KCNIP4: variants seen among roughly 807,000 people sequenced by gnomAD.
The protein encoded by KCNIP4 is potassium voltage-gated channel interacting protein 4.
Under a neutral mutation model 34.0 loss-of-function variants are expected in KCNIP4, and 12 were observed. That is an observed-to-expected ratio of 0.35 (90% CI 0.23 to 0.57). KCNIP4 has a LOEUF of 0.57. Ranked by LOEUF, KCNIP4 falls within the 20% of genes least tolerant of loss-of-function variation. The pLI is 0.83. For synonymous variants in KCNIP4, 124 were observed against 102.2 expected (o/e 1.21, Z -1.29); for missense variants, 238 against 311.7 (o/e 0.76, Z 1.78).
At chr4:20,803,197 T>C (rs1010706079) in intron 3 of KCNIP4, among the ~76,000 whole-genome samples, 5 of 149,448 alleles carry the variant, frequency 3.3e-5, no homozygotes, top group African/African-American at 1.2e-4. Context: ...AATGCCTACA[T>C]TAAAAAAAGA....
chr4:20,933,583 A>C (rs1730718759), intron 1 of KCNIP4, among the ~76,000 whole-genome samples: 1 of 152,154 alleles, frequency 6.6e-6, no homozygotes, highest in African/African-American at 2.4e-5. Context: ...AATTTCTTAT[A>C]TTTTAAAACA....
intron 2 of KCNIP4, among the ~76,000 whole-genome samples, chr4:20,882,240 C>G (rs1215090864): frequency 6.6e-6 from 1 of 151,866 alleles, no homozygotes; most frequent in Non-Finnish European, 1.5e-5. Context: ...GATTATAGAC[C>G]CAGTGGATGA....
intron 1 of KCNIP4, among the ~76,000 whole-genome samples, chr4:21,742,814 G>A (rs1236351354): frequency 1.3e-5 from 2 of 151,980 alleles, no homozygotes; most frequent in African/African-American, 4.8e-5. Context: ...AGAATAGGGA[G>A]ATTTATAAGA....
At chr4:21,754,617 G>T (rs906076574) in intron 1 of KCNIP4, among the ~76,000 whole-genome samples, 1 of 152,160 alleles carries the variant, frequency 6.6e-6, no homozygotes, top group Admixed American at 6.5e-5. Context: ...GGAGCAGAAA[G>T]CCTGGCCTCT....
intron 2 of KCNIP4, among the ~76,000 whole-genome samples, chr4:20,879,869 G>A (rs1724480016): frequency 6.6e-6 from 1 of 152,228 alleles, no homozygotes; most frequent in East Asian, 1.9e-4. Flanking sequence ...TCAAAATTTA[G>A]GGGAAAGTAA....
intron 1 of KCNIP4, among the ~76,000 whole-genome samples, chr4:21,668,054 A>G (rs1749148177): frequency 6.6e-6 from 1 of 152,230 alleles, no homozygotes; most frequent in East Asian, 1.9e-4. Flanking sequence ...TGCAGCCATA[A>G]AAAGGAATGA....
chr4:20,865,692 G>T (rs999906237), intron 2 of KCNIP4, among the ~76,000 whole-genome samples: 1 of 151,932 alleles, frequency 6.6e-6, no homozygotes, highest in Admixed American at 6.6e-5. Flanking sequence ...ATAAAACAAT[G>T]GTTAAAGTGG....
chr4:21,401,764 A>G (rs113684327), intron 1 of KCNIP4, among the ~76,000 whole-genome samples: 41 of 152,320 alleles, frequency 2.7e-4, no homozygotes, highest in African/African-American at 8.9e-4. Context: ...TTGTGAGCCC[A>G]TTATATAATT....
intron 1 of KCNIP4, among the ~76,000 whole-genome samples, chr4:20,971,068 A>C (rs1043879540): frequency 6.6e-6 from 1 of 152,210 alleles, no homozygotes; most frequent in Non-Finnish European, 1.5e-5. Flanking sequence ...GAATCATGTG[A>C]ACACCTGAGA....
chr4:21,327,234 A>G (rs1252890458), intron 1 of KCNIP4, among the ~76,000 whole-genome samples: 1 of 152,082 alleles, frequency 6.6e-6, no homozygotes, highest in Non-Finnish European at 1.5e-5. Flanking sequence ...TATAGGACAT[A>G]TGTGGTGTTG....
chr4:21,242,163 CAAAAAAAAAAAA>C (rs11436478), intron 1 of KCNIP4, among the ~76,000 whole-genome samples: 1 of 55,778 alleles, frequency 1.8e-5, no homozygotes, highest in Non-Finnish European at 3.8e-5. Context: ...AATTCTGTCT[CAAAAAAAAAAAA>C]AAAAAAAAAA....
chr4:20,839,265 A>T (rs950263506), intron 3 of KCNIP4, among the ~76,000 whole-genome samples: 2 of 152,084 alleles, frequency 1.3e-5, no homozygotes, highest in Non-Finnish European at 2.9e-5. Context: ...CTTAGCATGT[A>T]CCCAAATTCA....
chr4:21,482,009 A>G (rs1731470188), intron 1 of KCNIP4, among the ~76,000 whole-genome samples: 1 of 152,020 alleles, frequency 6.6e-6, no homozygotes. Context: ...TTGGGTGCAT[A>G]TATATTTAGG....
chr4:21,713,226 A>C (rs983433345), intron 1 of KCNIP4, among the ~76,000 whole-genome samples: 2 of 152,210 alleles, frequency 1.3e-5, no homozygotes, highest in Non-Finnish European at 2.9e-5. Context: ...TCTTGTCTAC[A>C]GGGGATATGT....
chr4:20,792,037 T>C (rs928278922), intron 3 of KCNIP4, among the ~76,000 whole-genome samples: 7 of 152,192 alleles, frequency 4.6e-5, no homozygotes, highest in African/African-American at 1.2e-4. Context: ...ATACACGTTA[T>C]TGATTGTTTC....
At chr4:21,649,156 T>C (rs574428636) in intron 1 of KCNIP4, among the ~76,000 whole-genome samples, 50 of 152,298 alleles carry the variant, frequency 3.3e-4, no homozygotes, top group Non-Finnish European at 2.1e-4. Context: ...ATTAGGTATA[T>C]TGGAGAAATC....
chr4:21,339,425 C>T (rs575536928), intron 1 of KCNIP4, among the ~76,000 whole-genome samples: 3 of 152,264 alleles, frequency 2.0e-5, no homozygotes, highest in Admixed American at 6.5e-5. Context: ...CAAAACAACT[C>T]GTCAACATAA....
intron 4 of KCNIP4, among the ~76,000 whole-genome samples, chr4:20,753,988 A>G (rs1381615697): frequency 6.6e-6 from 1 of 152,180 alleles, no homozygotes; most frequent in African/African-American, 2.4e-5. Context: ...GCATTCCTAC[A>G]ACATGAGCAG....
intron 3 of KCNIP4, among the ~76,000 whole-genome samples, chr4:20,845,452 T>C (rs1454753673): frequency 6.6e-6 from 1 of 152,098 alleles, no homozygotes. Context: ...TAACTGTAAC[T>C]TTCCACTGCT....
Sources: gnomAD v4.1 joint callset for allele counts (sites outside exome capture counted in the v4.1 genomes callset) on GRCh38, gnomAD v4.1.1 for gene constraint, MANE v1.5 for transcripts, NCBI Gene and HGNC (gene_info 2026-07-23, HGNC 2026-07-21) for gene names.